The following MAN1A2 variants were observed in gnomAD, a reference collection of about 807,000 sequenced individuals.
The protein encoded by MAN1A2 is mannosidase alpha class 1A member 2.
Under a neutral mutation model 75.7 loss-of-function variants are expected in MAN1A2, and 26 were observed. That is an observed-to-expected ratio of 0.34 (90% CI 0.25 to 0.48). The LOEUF is 0.48. Among genes scored for constraint, MAN1A2 ranks in the 20% least tolerant of loss-of-function variants. The probability of loss-of-function intolerance (pLI) is 0.99; values close to 1 mark genes in which losing one functional copy is unlikely to be tolerated. For synonymous variants in MAN1A2, 247 were observed against 264.6 expected (o/e 0.93, Z 0.65); for missense variants, 562 against 775.5 (o/e 0.72, Z 3.27).
chr1:117,445,391 C>G (rs1473665818), intron 6 of MAN1A2, among the ~76,000 whole-genome samples: 1 of 152,032 alleles, frequency 6.6e-6, no homozygotes, highest in Admixed American at 6.6e-5. Context: ...TTTTTGTTTG[C>G]AGAAATAATT....
At chr1:117,454,398 A>G (rs1281478716) in intron 6 of MAN1A2, among the ~76,000 whole-genome samples, 2 of 152,230 alleles carry the variant, frequency 1.3e-5, no homozygotes, top group Non-Finnish European at 2.9e-5. Context: ...AGGCATTTAC[A>G]TTGGGGAACC....
rs1383642526 is a variant in MAN1A2, at chr1:117,528,040, T to C, written c.*5083T>C. 1 of 152,048 alleles carries C rather than the reference T, an allele frequency of 6.6e-6. No individual in the cohort carries two copies. The highest frequency in any genetic ancestry group is 1.9e-4 in the East Asian group (1 of 5,182). The allele number at this position is 152,048 out of a possible 1,614,324, so 9.4% of individuals were successfully genotyped here. On this transcript the variant is annotated 3_prime_UTR_variant, in exon 13 of 13. Coordinates refer to ENST00000356554, the MANE Select transcript of MAN1A2 (RefSeq NM_006699.5). ...TTCTCTTGCATAACTCTCAATCCTT[T>C]ACAAGTAAGTAGCATTATTTCAGAA...
intron 9 of MAN1A2, chr1:117,494,426 A>G (rs762055460): frequency 1.4e-4 from 21 of 151,778 alleles, no homozygotes; most frequent in Non-Finnish European, 2.5e-4. Flanking sequence ...GTATATAACA[A>G]CTCTGCTGAT....
intron 7 of MAN1A2, among the ~76,000 whole-genome samples, chr1:117,460,893 G>A (rs1401330625): frequency 6.6e-6 from 1 of 151,998 alleles, no homozygotes; most frequent in Non-Finnish European, 1.5e-5. Context: ...TACCCAGCCT[G>A]GTAAGACAAG....
At chr1:117,507,993 G>T (rs1651425136) in intron 12 of MAN1A2, among the ~76,000 whole-genome samples, 1 of 151,670 alleles carries the variant, frequency 6.6e-6, no homozygotes, top group Admixed American at 6.6e-5. Context: ...TCTAGTAGCA[G>T]CACTTGAATT....
chr1:117,446,572 A>G lies in MAN1A2; in HGVS notation c.950+4247A>G, dbSNP rs577673136. On this transcript the variant is annotated intron_variant, in intron 6 of 12. Coordinates refer to ENST00000356554, the MANE Select transcript of MAN1A2 (RefSeq NM_006699.5). Reference sequence around the variant, plus strand: ...TAGTTTTTTATAATTGTGTGGTTCAATTGCCAAATTTTAGGACGTTTCTTA... The same window carrying G: ...TAGTTTTTTATAATTGTGTGGTTCAGTTGCCAAATTTTAGGACGTTTCTTA... Among the ~76,000 whole-genome samples the G allele has an allele frequency of 6.6e-5, 10 of 152,164 alleles. No individual in the cohort carries two copies. The East Asian group carries it at 1.9e-3, about 29-fold the overall frequency.
chr1:117,429,470 G>A (rs1648506811), intron 5 of MAN1A2, among the ~76,000 whole-genome samples: 1 of 115,436 alleles, frequency 8.7e-6, no homozygotes, highest in African/African-American at 3.2e-5. Context: ...GGGGCGGCTG[G>A]CCGGGCGGGG....
chr1:117,413,497 C>T (rs1251084341), intron 3 of MAN1A2, among the ~76,000 whole-genome samples: 4 of 151,778 alleles, frequency 2.6e-5, no homozygotes, highest in African/African-American at 9.7e-5. Flanking sequence ...CAAGAAAACC[C>T]GTTGATAAGA....
chr1:117,402,796 GATACTATGC>G (rs1332471542), intron 2 of MAN1A2, among the ~76,000 whole-genome samples: 1 of 151,980 alleles, frequency 6.6e-6, no homozygotes, highest in Non-Finnish European at 1.5e-5. Flanking sequence ...GACTCTGCTA[GATACTATGC>G]AGATCACCTC....
At chr1:117,428,322 C>G (rs1648447561) in intron 5 of MAN1A2, among the ~76,000 whole-genome samples, 1 of 151,798 alleles carries the variant, frequency 6.6e-6, no homozygotes, top group Non-Finnish European at 1.5e-5. Flanking sequence ...TCCATGTTGC[C>G]CAGGCTGGTC....
intron 1 of MAN1A2, among the ~76,000 whole-genome samples, chr1:117,399,080 G>A (rs528722236): frequency 2.0e-5 from 3 of 152,186 alleles, no homozygotes; most frequent in Admixed American, 1.3e-4. Flanking sequence ...AGTTCAAGAA[G>A]TGTTGTGTTA....
At chr1:117,391,810 C>T (rs115855245) in intron 1 of MAN1A2, among the ~76,000 whole-genome samples, 3 of 152,142 alleles carry the variant, frequency 2.0e-5, no homozygotes, top group African/African-American at 7.2e-5. Context: ...CCCAAATCAC[C>T]CTTTCTTTCT....
intron 12 of MAN1A2, among the ~76,000 whole-genome samples, chr1:117,522,247 C>G (rs1047600947): frequency 3.3e-5 from 5 of 151,806 alleles, no homozygotes; most frequent in African/African-American, 1.2e-4. Context: ...TAGAACTAAA[C>G]AAGATTTTGA....
At chr1:117,509,650 A>G (rs1651470880) in intron 12 of MAN1A2, among the ~76,000 whole-genome samples, 1 of 151,998 alleles carries the variant, frequency 6.6e-6, no homozygotes, top group Non-Finnish European at 1.5e-5. Flanking sequence ...GTTGAGCTAT[A>G]TATACATAAC....
intron 5 of MAN1A2, among the ~76,000 whole-genome samples, chr1:117,433,599 A>G (rs181292263): frequency 2.6e-5 from 4 of 152,292 alleles, no homozygotes; most frequent in Admixed American, 2.6e-4. Flanking sequence ...TTTTTTTGCT[A>G]GATTCCTTTT....
At chr1:117,500,933 A>C (rs1427560674) in intron 11 of MAN1A2, among the ~76,000 whole-genome samples, 1 of 151,846 alleles carries the variant, frequency 6.6e-6, no homozygotes, top group Non-Finnish European at 1.5e-5. Flanking sequence ...TCATATAATG[A>C]ATCTGTTTCA....
At chr1:117,454,606 T>A (rs1219469581) in intron 6 of MAN1A2, among the ~76,000 whole-genome samples, 1 of 152,190 alleles carries the variant, frequency 6.6e-6, no homozygotes, top group Non-Finnish European at 1.5e-5. Context: ...CCTGTATTGT[T>A]AGAAATTTTA....
At chr1:117,398,510 C>T (rs1181128744) in intron 1 of MAN1A2, among the ~76,000 whole-genome samples, 3 of 151,930 alleles carry the variant, frequency 2.0e-5, no homozygotes, top group African/African-American at 7.3e-5. Flanking sequence ...CCCGTTTCTA[C>T]TAAAATACAA....
rs1424011725 is a variant in MAN1A2 at position 117,402,227 on chromosome 1, A to G, written c.344A>G (p.His115Arg). ...CTGAGAAATAAAATTCGAGCTGATC[A>G]TGAGAAGGCCTTGGAAGAAGCAAAA... ...ERLRNKIRAD[H>R]EKALEEAKEK... Residue 115 changes from histidine to arginine, a missense_variant, in exon 2 of 13, where the codon CAT becomes CGT. His to Arg is a conservative substitution (Grantham distance 29, BLOSUM62 0). Coordinates refer to ENST00000356554, the MANE Select transcript of MAN1A2 (RefSeq NM_006699.5). The G allele has an allele frequency of 6.2e-7, 1 of 1,613,166 alleles. No homozygotes were observed. The highest frequency in any genetic ancestry group is 1.7e-5 in the Admixed American group (1 of 59,874).
Sources: allele counts gnomAD v4.1 joint callset (sites outside exome capture counted in the v4.1 genomes callset), GRCh38; gene constraint gnomAD v4.1.1; transcripts MANE v1.5; gene names NCBI Gene and HGNC (gene_info 2026-07-23, HGNC 2026-07-21).